The following MYO3B variants were observed in gnomAD, a reference collection of about 807,000 sequenced individuals.
MYO3B encodes myosin IIIB.
MYO3B carries 156 observed loss-of-function variants against 174.6 expected under a neutral mutation model. The ratio of observed to expected loss-of-function variants is 0.89; its 90% CI spans 0.78 to 1.02. The LOEUF (loss-of-function observed/expected upper bound fraction) is 1.02. MYO3B is among the 50% of genes least tolerant of loss of function. MYO3B has a pLI of 0.00. For synonymous variants in MYO3B, 563 were observed against 569.1 expected, an observed-to-expected ratio of 0.99 and a Z score of 0.15; for missense variants, 1,632 against 1,639.4, an observed-to-expected ratio of 1.00 and a Z score of 0.08.
In MYO3B at chr2:170,501,841, G is replaced by C; in HGVS notation, c.3346G>C (p.Glu1116Gln). Residue 1116 changes from glutamate to glutamine, a missense_variant, in exon 28 of 35, where the codon GAG (glutamate) becomes CAG (glutamine). Physicochemically the swap from Glu to Gln is conservative, Grantham distance 29 (BLOSUM62 2). Coordinates refer to ENST00000408978, the MANE Select transcript of MYO3B (RefSeq NM_138995.5). ...KFKKISNRRNESAAHNQAGDT... is the reference protein window; with the variant it reads ...KFKKISNRRNQSAAHNQAGDT... ...TAAGAAAATAAGCAACAGAAGGAAT[G>C]AGTCTGCTGCTCATAATCAAGCAGG... is the stretch of plus-strand genomic sequence containing the variant. The C allele has an allele frequency of 6.2e-7, 1 of 1,611,816 alleles. No individual in the cohort carries two copies. The highest frequency in any genetic ancestry group is 8.5e-7 in the Non-Finnish European group (1 of 1,177,952).
At chr2:170,625,622 G>A (rs768629460) in intron 32 of MYO3B, among the ~76,000 whole-genome samples, 9 of 151,850 alleles carry the variant, frequency 5.9e-5, no homozygotes, top group Non-Finnish European at 1.3e-4. Context: ...CTCTTGCCTC[G>A]CTAGTTCTTT....
chr2:170,568,475 A>G (rs1451152762), intron 32 of MYO3B, among the ~76,000 whole-genome samples: 2 of 152,214 alleles, frequency 1.3e-5, no homozygotes, highest in African/African-American at 4.8e-5. Flanking sequence ...GTTTGTGTTT[A>G]AAATATTGTT....
intron 25 of MYO3B, among the ~76,000 whole-genome samples, chr2:170,484,470 C>T (rs1685897699): frequency 6.6e-6 from 1 of 152,064 alleles, no homozygotes; most frequent in Non-Finnish European, 1.5e-5. Flanking sequence ...TGAGTAAATC[C>T]AGCCTCAATT....
chr2:170,410,857 C>A (rs2094541827), intron 22 of MYO3B, among the ~76,000 whole-genome samples: 1 of 150,878 alleles, frequency 6.6e-6, no homozygotes, highest in African/African-American at 2.4e-5. Flanking sequence ...GTTTTTTTCT[C>A]CAAAAGATAG....
At chr2:170,369,787 G>T (rs1390220624) in intron 9 of MYO3B, among the ~76,000 whole-genome samples, 1 of 151,752 alleles carries the variant, frequency 6.6e-6, no homozygotes, top group East Asian at 1.9e-4. Context: ...CTGAAGAGCA[G>T]TAATGCAGGC....
At chr2:170,555,289 T>C (rs1691208217) in intron 32 of MYO3B, among the ~76,000 whole-genome samples, 1 of 152,180 alleles carries the variant, frequency 6.6e-6, no homozygotes, top group African/African-American at 2.4e-5. Flanking sequence ...TTATTATTAT[T>C]ACATTAGAGT....
At chr2:170,507,177 T>C (rs1416572313) in intron 28 of MYO3B, among the ~76,000 whole-genome samples, 1 of 152,154 alleles carries the variant, frequency 6.6e-6, no homozygotes, top group African/African-American at 2.4e-5. Context: ...CAATAAAACA[T>C]CTGGGGGAAA....
At chr2:170,230,674 G>A (rs1419885107) in intron 6 of MYO3B, among the ~76,000 whole-genome samples, 1 of 152,000 alleles carries the variant, frequency 6.6e-6, no homozygotes, top group Non-Finnish European at 1.5e-5. Flanking sequence ...AATAATCCAT[G>A]CTCTCTATAG....
rs943085132 is a variant in MYO3B at position 170,410,230 on chromosome 2, C to T, written c.2650+2386C>T. ...ATATATATTATGGTCAATTACTTTA[C>T]AAACCTCTTTTGAGGAATGAACTAC... is the stretch of plus-strand genomic sequence containing the variant. On this transcript the variant is annotated intron_variant, in intron 22 of 34. Coordinates refer to ENST00000408978, the MANE Select transcript of MYO3B (RefSeq NM_138995.5). Among the ~76,000 whole-genome samples the T allele has an allele frequency of 4.6e-5, 7 of 152,252 alleles. No homozygotes were observed. In the South Asian group the frequency reaches 1.5e-3, roughly 32 times the overall value.
chr2:170,381,450 A>G (rs1213874309), intron 9 of MYO3B, among the ~76,000 whole-genome samples: 2 of 152,246 alleles, frequency 1.3e-5, no homozygotes, highest in African/African-American at 2.4e-5. Context: ...AAGGAAACCC[A>G]TCAAATAGTG....
At chr2:170,396,277 A>T (rs2094441723) in intron 16 of MYO3B, among the ~76,000 whole-genome samples, 1 of 152,150 alleles carries the variant, frequency 6.6e-6, no homozygotes, top group Admixed American at 6.5e-5. Context: ...AGGTGAAAAA[A>T]CCTTCCCTGG....
At chr2:170,567,380 T>A (rs965355785) in intron 32 of MYO3B, among the ~76,000 whole-genome samples, 7 of 152,230 alleles carry the variant, frequency 4.6e-5, no homozygotes, top group African/African-American at 1.7e-4. Context: ...CCGTAACCAC[T>A]GATTTTAGTT....
intron 7 of MYO3B, among the ~76,000 whole-genome samples, chr2:170,320,293 C>T (rs2093814777): frequency 6.6e-6 from 1 of 152,170 alleles, no homozygotes; most frequent in Non-Finnish European, 1.5e-5. Context: ...GCGATCTTCC[C>T]ACCCCAGTTC....
intron 32 of MYO3B, among the ~76,000 whole-genome samples, chr2:170,648,468 A>C (rs1324253843): frequency 6.6e-6 from 1 of 151,568 alleles, no homozygotes; most frequent in Non-Finnish European, 1.5e-5. Context: ...CATCTCTATT[A>C]AAAATACAAA....
intron 16 of MYO3B, among the ~76,000 whole-genome samples, chr2:170,399,033 G>T (rs2094457554): frequency 6.6e-6 from 1 of 151,934 alleles, no homozygotes; most frequent in Non-Finnish European, 1.5e-5. Context: ...ATCACCTGAG[G>T]TCAGGAGTTT....
chr2:170,409,300 G>A (rs764084763), intron 22 of MYO3B, among the ~76,000 whole-genome samples: 1 of 152,154 alleles, frequency 6.6e-6, no homozygotes, highest in African/African-American at 2.4e-5. Flanking sequence ...ACCCAACTGC[G>A]GGAGGAACAG....
At chr2:170,401,340 G>A in intron 17 of MYO3B, 141 bp from the exon 18 acceptor site, 1 of 701,266 alleles carries the variant, frequency 1.4e-6, no homozygotes, top group South Asian at 1.8e-5. Context: ...GCTTCTTGGG[G>A]TTAGGGATCT....
chr2:170,272,024 C>T (rs1282894521), intron 7 of MYO3B, among the ~76,000 whole-genome samples: 4 of 151,616 alleles, frequency 2.6e-5, no homozygotes, highest in Non-Finnish European at 4.4e-5. Flanking sequence ...TTCTACATTT[C>T]ATCTTACTGC....
At chr2:170,426,640 C>T (rs1039705147) in intron 22 of MYO3B, among the ~76,000 whole-genome samples, 1 of 151,888 alleles carries the variant, frequency 6.6e-6, no homozygotes, top group African/African-American at 2.4e-5. Context: ...TCTTTATTGT[C>T]TATGTGAAGG....
Sources: gnomAD v4.1 joint callset for allele counts (sites outside exome capture counted in the v4.1 genomes callset) on GRCh38, gnomAD v4.1.1 for gene constraint, MANE v1.5 for transcripts, NCBI Gene and HGNC (gene_info 2026-07-23, HGNC 2026-07-21) for gene names.